Variants in ESR1 observed in about 807,000 individuals in gnomAD.
ESR1 encodes the protein estrogen receptor 1, also known as estrogen receptor.
Under a neutral mutation model 52.7 loss-of-function variants are expected in ESR1, and 12 were observed. The ratio of observed to expected loss-of-function variants is 0.23; its 90% CI spans 0.15 to 0.37. The LOEUF (loss-of-function observed/expected upper bound fraction) is 0.37. ESR1 is among the 10% of genes least tolerant of loss of function. The probability of loss-of-function intolerance (pLI) is 1.00; values close to 1 mark genes in which losing one functional copy is unlikely to be tolerated. For synonymous variants in ESR1, 305 were observed against 316.8 expected, an observed-to-expected ratio of 0.96 and a Z score of 0.39; for missense variants, 584 against 779.7, an observed-to-expected ratio of 0.75 and a Z score of 2.99.
intron 6 of ESR1, among the ~76,000 whole-genome samples, chr6:152,121,421 T>C (rs995304150): frequency 6.6e-6 from 1 of 152,030 alleles, no homozygotes; most frequent in Admixed American, 6.5e-5. Context: ...GCAAAAGGAA[T>C]GGAGAATAGA....
chr6:152,072,067 G>A (rs1022825766), intron 6 of ESR1, among the ~76,000 whole-genome samples: 12 of 145,042 alleles, frequency 8.3e-5, no homozygotes, highest in African/African-American at 2.5e-4. Context: ...GAGTTATGGA[G>A]GGTAGACGGC....
Position 151,944,240 on chromosome 6 carries a change from C to A in ESR1, c.828C>A (p.Gly276=), listed in dbSNP as rs1296595449. ...KHKRQRDDGE[G]RGEVGSAGDM... ...AGCGCCAGAGAGATGATGGGGAGGG[C>A]AGGGGTGAAGTGGGGTCTGCTGGAG... The change falls in exon 4 of 8, where the codon GGC becomes GGA. Residue 276 remains glycine, a synonymous_variant. Coordinates refer to ENST00000206249, the MANE Select transcript of ESR1 (RefSeq NM_000125.4). 6.2e-7 allele frequency: 1 copy of A among 1,613,946 alleles called. No homozygotes were observed. Among genetic ancestry groups the A allele is most frequent in the Admixed American group, 1.7e-5 (1 of 60,008 alleles).
chr6:151,785,614 G>A lies in ESR1; in HGVS notation c.-70-22229G>A, dbSNP rs143194746. Among the ~76,000 whole-genome samples the A allele has an allele frequency of 1.9e-3, 289 of 152,218 alleles. 1 individual carries two copies. The highest frequency in any genetic ancestry group is 6.2e-3 in the African/African-American group (258 of 41,536). On this transcript the variant is annotated intron_variant, in intron 2 of 2. Transcript: ENST00000404742. ...GACAAAGTGAAGATAACATACTACC[G>A]CAGGTAAAGTCTAGGTTTACTTGGA...
chr6:151,876,572 G>C (rs1216258084), intron 2 of ESR1, among the ~76,000 whole-genome samples: 1 of 152,102 alleles, frequency 6.6e-6, no homozygotes, highest in Non-Finnish European at 1.5e-5. Context: ...AGCCAAACCA[G>C]CTGCTACCAA....
intron 4 of ESR1, among the ~76,000 whole-genome samples, chr6:151,973,481 A>T (rs941391401): frequency 1.3e-5 from 2 of 152,208 alleles, no homozygotes; most frequent in Admixed American, 6.5e-5. Context: ...TCTGGGAGAT[A>T]CCAGGGAATC....
At chr6:151,918,980 A>C (rs2031010003) in intron 3 of ESR1, among the ~76,000 whole-genome samples, 1 of 152,238 alleles carries the variant, frequency 6.6e-6, no homozygotes, top group Non-Finnish European at 1.5e-5. Context: ...ATTATTAGAA[A>C]GGACTATTTT....
At chr6:151,975,036 G>A (rs2039301619) in intron 4 of ESR1, among the ~76,000 whole-genome samples, 1 of 152,190 alleles carries the variant, frequency 6.6e-6, no homozygotes, top group Non-Finnish European at 1.5e-5. Context: ...GGGTGGAAAT[G>A]GGGTAGCTGT....
At chr6:151,751,780 G>T (rs1323841704) in intron 2 of ESR1, among the ~76,000 whole-genome samples, 1 of 152,098 alleles carries the variant, frequency 6.6e-6, no homozygotes, top group Non-Finnish European at 1.5e-5. Flanking sequence ...AAACTATAAT[G>T]TACCAGCCAG....
At chr6:151,823,456 G>C (rs1157385349) in intron 1 of ESR1, among the ~76,000 whole-genome samples, 1 of 151,498 alleles carries the variant, frequency 6.6e-6, no homozygotes, top group Non-Finnish European at 1.5e-5. Flanking sequence ...TTTGTTTTTT[G>C]TTTTTGTTTT....
chr6:151,759,527 TA>T (rs917107979), intron 2 of ESR1, among the ~76,000 whole-genome samples: 15 of 151,210 alleles, frequency 9.9e-5, no homozygotes, highest in African/African-American at 2.7e-4. Flanking sequence ...ATAATAATAA[TA>T]AAAAAAGAAT....
At chr6:151,666,402 G>C (rs1433956349) in intron 1 of ESR1, among the ~76,000 whole-genome samples, 1 of 152,176 alleles carries the variant, frequency 6.6e-6, no homozygotes, top group Admixed American at 6.5e-5. Flanking sequence ...AAAAGTGCAT[G>C]TTCCTGTTCT....
intron 4 of ESR1, among the ~76,000 whole-genome samples, chr6:151,970,757 T>C (rs1012792052): frequency 2.6e-5 from 4 of 152,214 alleles, no homozygotes; most frequent in African/African-American, 9.6e-5. Context: ...TCTAAACTCC[T>C]GTTCAAGACA....
Position 151,944,283 on chromosome 6 carries a change from C to A in ESR1, c.871C>A (p.Leu291Ile), listed in dbSNP as rs746807379. The A allele has an allele frequency of 1.2e-6, 2 of 1,614,158 alleles. No individual in the cohort carries two copies. The highest frequency in any genetic ancestry group is 1.1e-5 in the South Asian group (1 of 91,076). Residue 291 changes from leucine to isoleucine, a missense_variant, in exon 4 of 8, where the codon CTT becomes ATT. This residue lies in a region of ESR1 where 88 missense variants were observed against 88.3 expected (regional missense o/e 1.00). Transcript: ENST00000206249. The part of the protein sequence containing the change: ...GSAGDMRAAN[L>I]WPSPLMIKRS... ...TGCTGGAGACATGAGAGCTGCCAAC[C>A]TTTGGCCAAGCCCGCTCATGATCAA...
intron 6 of ESR1, among the ~76,000 whole-genome samples, chr6:152,079,045 G>A (rs1157588450): frequency 6.6e-6 from 1 of 151,762 alleles, no homozygotes; most frequent in African/African-American, 2.4e-5. Context: ...TTCCACCTCT[G>A]GGGGCAGCAC....
chr6:151,750,271 C>T (rs1378010492), intron 2 of ESR1, among the ~76,000 whole-genome samples: 1 of 152,098 alleles, frequency 6.6e-6, no homozygotes, highest in Non-Finnish European at 1.5e-5. Flanking sequence ...CTATGGCAAA[C>T]GTTTTCCAGA....
intron 4 of ESR1, among the ~76,000 whole-genome samples, chr6:151,975,449 G>A (rs150439895): frequency 6.6e-6 from 1 of 151,998 alleles, no homozygotes; most frequent in African/African-American, 2.4e-5. Context: ...TCAATTGATT[G>A]GTCAATCAAT....
At chr6:152,019,862 T>C (rs773156252) in intron 5 of ESR1, among the ~76,000 whole-genome samples, 4 of 152,094 alleles carry the variant, frequency 2.6e-5, no homozygotes, top group Non-Finnish European at 5.9e-5. Flanking sequence ...CAAGTTTGTG[T>C]TAGTTAGGAT....
intron 4 of ESR1, among the ~76,000 whole-genome samples, chr6:151,980,720 T>C (rs2039910107): frequency 6.6e-6 from 1 of 152,234 alleles, no homozygotes; most frequent in Non-Finnish European, 1.5e-5. Context: ...TTTTTTCTTT[T>C]TGAGACAGAG....
intron 1 of ESR1, among the ~76,000 whole-genome samples, chr6:151,668,797 A>G (rs1427266832): frequency 1.3e-5 from 2 of 152,102 alleles, no homozygotes; most frequent in Admixed American, 6.5e-5. Context: ...CCTGTTAAAG[A>G]TTTAAAAGAG....
Sources: allele counts gnomAD v4.1 joint callset (sites outside exome capture counted in the v4.1 genomes callset), GRCh38; gene constraint gnomAD v4.1.1; regional missense constraint gnomAD v4.1.1; transcripts MANE v1.5; gene names NCBI Gene and HGNC (gene_info 2026-07-23, HGNC 2026-07-21).